KPNB1: variants seen among roughly 807,000 people sequenced by gnomAD.
KPNB1 encodes importin subunit beta-1.
Under a neutral mutation model 113.0 loss-of-function variants are expected in KPNB1, and 7 were observed. The ratio of observed to expected loss-of-function variants is 0.06; its 90% CI spans 0.04 to 0.12. The LOEUF (loss-of-function observed/expected upper bound fraction) is 0.12, where lower values mean the gene tolerates loss of function less well. Among genes scored for constraint, KPNB1 ranks in the 10% least tolerant of loss-of-function variants. The pLI, the probability that KPNB1 is intolerant of heterozygous loss-of-function variation, is 1.00. For missense variants in KPNB1, 400 were observed against 1,054.8 expected (o/e 0.38, Z 8.60); for synonymous variants, 363 against 378.6 (o/e 0.96, Z 0.48).
At chr17:47,658,838 G>A (rs557486379) in intron 5 of KPNB1, among the ~76,000 whole-genome samples, 178 bp downstream of exon 5, 4 of 152,260 alleles carry the variant, frequency 2.6e-5, no homozygotes, top group African/African-American at 7.2e-5. Flanking sequence ...AGTGTTTGCC[G>A]TTTCTCATCA....
chr17:47,650,972 CTT>C (rs1915547523), intron 2 of KPNB1, among the ~76,000 whole-genome samples: 1 of 152,186 alleles, frequency 6.6e-6, no homozygotes, highest in Non-Finnish European at 1.5e-5. Context: ...CCGACTGCCT[CTT>C]AACCCATTTC....
intron 9 of KPNB1, among the ~76,000 whole-genome samples, chr17:47,667,859 A>G (rs1033462076): frequency 8.5e-5 from 13 of 152,104 alleles, no homozygotes; most frequent in African/African-American, 3.1e-4. Context: ...CGCCTGGCCG[A>G]TTTTGGACTT....
At position 47,668,341 on chromosome 17, in the gene KPNB1, A is replaced by G. The variant is rs763352519; in HGVS notation, c.1155A>G (p.Ala385=). ...IKNPDWRYRD[A]AVMAFGCILE... is the part of the protein sequence containing the mutation. The stretch of plus-strand genomic sequence containing the variant: ...ACCCAGATTGGCGGTACCGGGATGC[A>G]GCAGTGATGGCTTTTGGTTGTATCT... Residue 385 remains alanine (A), a synonymous_variant, in exon 10 of 22, where the codon GCA becomes GCG. Transcript: ENST00000290158. 1.2e-6 allele frequency: 2 copies of G among 1,614,228 alleles called. No homozygotes were observed. Among genetic ancestry groups the G allele is most frequent in the African/African-American group, 1.3e-5 (1 of 75,062 alleles).
rs537390942 is a variant in KPNB1, at chr17:47,664,072, T to C, written c.787-87T>C. The C allele has an allele frequency of 2.3e-4, 168 of 717,424 alleles. 1 individual carries two copies. The East Asian group carries it at 4.4e-3, about 19-fold the overall frequency. The allele number at this position is 717,424 out of a possible 1,614,324, so 44.4% of individuals were successfully genotyped here. On this transcript the variant is annotated intron_variant, in intron 7 of 21. Coordinates refer to ENST00000290158, the MANE Select transcript of KPNB1 (RefSeq NM_002265.6). Reference sequence around the variant, plus strand: ...CTTTTTATAGTTACATTTCTGAAATTTGCATGTCTGTGGTTAAAGCCGGGT... The same window carrying C: ...CTTTTTATAGTTACATTTCTGAAATCTGCATGTCTGTGGTTAAAGCCGGGT...
At position 47,683,119 on chromosome 17, in the gene KPNB1, A is replaced by AAAC. The variant is rs1567897235; in HGVS notation, c.*715_*716insAAC. The AAAC allele has an allele frequency of 7.5e-6, 1 of 133,680 alleles. No homozygotes were observed. Among genetic ancestry groups the AAAC allele is most frequent in the Non-Finnish European group, 1.6e-5 (1 of 62,854 alleles). The allele number at this position is 133,680 out of a possible 1,614,324, so 8.3% of individuals were successfully genotyped here. A position where few individuals can be genotyped will look rare whatever the true frequency, so the allele number is the denominator to read the frequency against. On this transcript the variant is annotated 3_prime_UTR_variant, in exon 22 of 22. Transcript: ENST00000290158. ...AAAAAAAAAAAAAAAAAAAAAAAAA[A>AAAC]CACACACACAGAGGAAAGACGCTCT...
At chr17:47,671,552 A>G (rs991383125) in intron 12 of KPNB1, among the ~76,000 whole-genome samples, 44 of 150,138 alleles carry the variant, frequency 2.9e-4, no homozygotes, top group African/African-American at 1.0e-3. Context: ...TAATTAATTT[A>G]TTTTGAGACA....
chr17:47,650,238 C>T lies in KPNB1; in HGVS notation c.-7C>T. 6.3e-7 allele frequency: 1 copy of T among 1,582,398 alleles called. No individual in the cohort carries two copies. The highest frequency in any genetic ancestry group is 8.6e-7 in the Non-Finnish European group (1 of 1,167,798). On this transcript the variant is annotated 5_prime_UTR_variant, in exon 1 of 22. Coordinates refer to ENST00000290158, the MANE Select transcript of KPNB1 (RefSeq NM_002265.6). ...TAGGAGGAGTCGCCGCCGCCGCCAC[C>T]TCCGCCATGGAGCTGATCACCATTC...
chr17:47,663,406 G>A (rs970782318), intron 7 of KPNB1, among the ~76,000 whole-genome samples: 2 of 152,204 alleles, frequency 1.3e-5, no homozygotes, highest in African/African-American at 4.8e-5. Flanking sequence ...GCTAACGCCT[G>A]TAATCCCAGC....
intron 5 of KPNB1, among the ~76,000 whole-genome samples, chr17:47,659,148 A>G (rs1471727740): frequency 6.6e-6 from 1 of 152,118 alleles, no homozygotes; most frequent in Non-Finnish European, 1.5e-5. Flanking sequence ...GGAGTTTGAG[A>G]CCAGCCTGAC....
chr17:47,664,410 C>G (rs2030202643), intron 8 of KPNB1, 141 bp downstream of exon 8: 1 of 602,274 alleles, frequency 1.7e-6, no homozygotes, highest in Non-Finnish European at 3.0e-6. Flanking sequence ...TTTCTGCTAG[C>G]CAGAGCCCTT....
chr17:47,654,676 T>C (rs1193022480), intron 3 of KPNB1, among the ~76,000 whole-genome samples: 3 of 152,078 alleles, frequency 2.0e-5, no homozygotes, highest in Non-Finnish European at 2.9e-5. Flanking sequence ...ACTCAGGAGG[T>C]GGACATCCGT....
intron 4 of KPNB1, among the ~76,000 whole-genome samples, chr17:47,657,412 A>G (rs2029940578): frequency 6.6e-6 from 1 of 152,190 alleles, no homozygotes; most frequent in African/African-American, 2.4e-5. Flanking sequence ...CATTTACAAC[A>G]TTACGGAAAG....
In KPNB1 at chr17:47,678,742, G is replaced by A. The variant is rs986364602; in HGVS notation, c.2353+329G>A. 7.6e-5 allele frequency: 20 copies of A among 263,464 alleles called. No individual in the cohort carries two copies. The Admixed American group carries it at 8.4e-4, about 11-fold the overall frequency. The allele number at this position is 263,464 out of a possible 1,614,324, so 16.3% of individuals were successfully genotyped here. A position where few individuals can be genotyped will look rare whatever the true frequency, so the allele number is the denominator to read the frequency against. ...CCTGCCTCAGCCTCCTGAGTAGCTG[G>A]AACTATACACATCTGCCACTATGCC... is the stretch of plus-strand genomic sequence containing the variant. On this transcript the variant is annotated intron_variant, in intron 19 of 21. Transcript: ENST00000290158.
Position 47,650,152 on chromosome 17 carries a change from A to ACCCGACC in KPNB1, c.-89_-83dup. 1.1e-5 allele frequency: 3 copies of ACCCGACC among 275,178 alleles called. No homozygotes were observed. Among genetic ancestry groups the ACCCGACC allele is most frequent in the Non-Finnish European group, 1.3e-5 (3 of 229,714 alleles). The allele number at this position is 275,178 out of a possible 1,614,324, so 17.0% of individuals were successfully genotyped here. A position where few individuals can be genotyped will look rare whatever the true frequency, so the allele number is the denominator to read the frequency against. On this transcript the variant is annotated 5_prime_UTR_variant, in exon 1 of 22. Coordinates refer to ENST00000290158, the MANE Select transcript of KPNB1 (RefSeq NM_002265.6). ...GCCCCCCACCCCACCCTCCCTTCCC[A>ACCCGACC]CCCGACCCCCAACCCCCATCCCCAG... is the stretch of plus-strand genomic sequence containing the variant.
At chr17:47,668,471 AT>A (rs2030356340) in intron 10 of KPNB1, 61 bp downstream of exon 10, 1 of 1,352,858 alleles carries the variant, frequency 7.4e-7, no homozygotes, top group African/African-American at 1.5e-5. Context: ...CTTAAAGCAT[AT>A]CTTTATTTTT....
Position 47,652,913 on chromosome 17 carries a change from A to G in KPNB1, c.282+37A>G, listed in dbSNP as rs950605865. On this transcript the variant is annotated intron_variant, in intron 3 of 21. Transcript: ENST00000290158. Reference sequence around the variant, plus strand: ...TTATCTGTTTGGTTATATTGCCCAGAGAACAAGAAATCGCTTTCTCAGATC... The same window carrying G: ...TTATCTGTTTGGTTATATTGCCCAGGGAACAAGAAATCGCTTTCTCAGATC... The G allele has an allele frequency of 2.0e-6, 3 of 1,470,542 alleles. No homozygotes were observed. In the Admixed American group the frequency reaches 7.1e-5, roughly 35 times the overall value. 91.1% of individuals were successfully genotyped at this position (1,470,542 alleles called of 1,614,324 possible). A position where few individuals can be genotyped will look rare whatever the true frequency, so the allele number is the denominator to read the frequency against.
intron 19 of KPNB1, chr17:47,678,648 C>G (rs1273729206): frequency 4.3e-6 from 2 of 459,990 alleles, no homozygotes; most frequent in East Asian, 8.2e-5. Flanking sequence ...CACTCTGTTG[C>G]CCAGGCTGGA....
chr17:47,656,267 A>G (rs2143097236), intron 3 of KPNB1, among the ~76,000 whole-genome samples: 1 of 152,238 alleles, frequency 6.6e-6, no homozygotes, highest in African/African-American at 2.4e-5. Flanking sequence ...CTCAAAAAAA[A>G]AAAGAATTCT....
chr17:47,663,985 CAA>C (rs369076256), intron 7 of KPNB1, among the ~76,000 whole-genome samples, 172 bp from the exon 8 acceptor site: 68 of 119,156 alleles, frequency 5.7e-4, no homozygotes, highest in Admixed American at 1.0e-3. Flanking sequence ...ACCCCATCAC[CAA>C]AAAAAAAAAA....
Sources: allele counts gnomAD v4.1 joint callset (sites outside exome capture counted in the v4.1 genomes callset), GRCh38; gene constraint gnomAD v4.1.1; transcripts MANE v1.5; gene names NCBI Gene and HGNC (gene_info 2026-07-23, HGNC 2026-07-21).